The following XPO4 variants were observed in gnomAD, a reference collection of about 807,000 sequenced individuals.
The protein encoded by XPO4 is exportin 4.
Under a neutral mutation model 143.0 loss-of-function variants are expected in XPO4, and 39 were observed. That is an observed-to-expected ratio of 0.27 (90% confidence interval 0.21 to 0.36). The LOEUF is 0.36. XPO4 is among the 10% of genes least tolerant of loss of function. XPO4 has a pLI of 1.00. For missense variants in XPO4, 907 were observed against 1,348.0 expected (o/e 0.67, Z 5.12); for synonymous variants, 439 against 474.0 (o/e 0.93, Z 0.96).
intron 4 of XPO4, chr13:20,851,658 C>G (rs1445615199): frequency 3.0e-5 from 21 of 704,274 alleles, no homozygotes; most frequent in Admixed American, 7.1e-5. Flanking sequence ...TGCAGTAGGC[C>G]AAGACTACAC....
chr13:20,865,553 CT>C (rs2060237937), intron 2 of XPO4: 1 of 974,690 alleles, frequency 1.0e-6, no homozygotes, highest in Non-Finnish European at 1.2e-6. Flanking sequence ...ACCACAGTAA[CT>C]TTCTTTAATA....
intron 1 of XPO4, among the ~76,000 whole-genome samples, chr13:20,900,668 A>G (rs979815824): frequency 2.7e-5 from 4 of 150,876 alleles, no homozygotes; most frequent in East Asian, 2.0e-4. Context: ...ACTGGAGTGC[A>G]GCAGCACGAT....
intron 13 of XPO4, 46 bp downstream of exon 13, chr13:20,807,411 A>G (rs754673437): frequency 5.8e-6 from 9 of 1,546,414 alleles, no homozygotes; most frequent in East Asian, 2.3e-5. Flanking sequence ...AGAATTTATA[A>G]AACAGTATAA....
intron 1 of XPO4, among the ~76,000 whole-genome samples, chr13:20,875,291 T>G (rs572686227): frequency 5.6e-4 from 85 of 152,324 alleles, no homozygotes; most frequent in African/African-American, 1.9e-3. Flanking sequence ...TAAATTAAAT[T>G]TGCCATAACA....
intron 3 of XPO4, among the ~76,000 whole-genome samples, chr13:20,861,886 T>G (rs1205150594): frequency 6.8e-6 from 1 of 147,066 alleles, no homozygotes; most frequent in Non-Finnish European, 1.5e-5. Context: ...CCTCCCAGGT[T>G]AAAGCAATTC....
intron 2 of XPO4, among the ~76,000 whole-genome samples, chr13:20,864,692 T>C (rs552211026): frequency 6.6e-6 from 1 of 152,290 alleles, no homozygotes; most frequent in East Asian, 1.9e-4. Context: ...CATCCAAGCC[T>C]TTTTCTGCCC....
intron 6 of XPO4, among the ~76,000 whole-genome samples, chr13:20,830,012 G>T (rs1775909094): frequency 6.6e-6 from 1 of 151,948 alleles, no homozygotes; most frequent in Admixed American, 6.6e-5. Flanking sequence ...ATTTAAAAAG[G>T]GTTTTTCCCA....
intron 6 of XPO4, among the ~76,000 whole-genome samples, chr13:20,836,574 C>T (rs2059919195): frequency 6.6e-6 from 1 of 152,182 alleles, no homozygotes; most frequent in South Asian, 2.1e-4. Flanking sequence ...TTATCTCCAC[C>T]CCTAATCTCC....
chr13:20,842,949 G>A lies in XPO4; in HGVS notation c.673C>T (p.Arg225Cys), dbSNP rs542190317. ...LNAQMSSVFQRYLALANQVLS... is the reference protein window; with the variant it reads ...LNAQMSSVFQCYLALANQVLS... ...ACTTGATTGGCGAGTGCAAGGTAAC[G>A]CTGAAATACTGAAGACATCTGAGCA... The change falls in exon 6 of 23, where the codon CGT becomes TGT. Residue 225 changes from arginine to cysteine, a missense_variant. Coordinates refer to ENST00000255305, the MANE Select transcript of XPO4 (RefSeq NM_022459.5). The A allele has an allele frequency of 8.7e-6, 14 of 1,613,406 alleles. No homozygotes were observed. The highest frequency in any genetic ancestry group is 3.3e-5 in the Admixed American group (2 of 60,006).
intron 4 of XPO4, chr13:20,852,084 G>A (rs986017900): frequency 7.1e-6 from 7 of 985,296 alleles, no homozygotes; most frequent in Non-Finnish European, 8.4e-6. Context: ...CAAGCTACTT[G>A]TAGGGGGTGA....
chr13:20,869,168 C>T (rs191807760), intron 1 of XPO4, among the ~76,000 whole-genome samples: 57 of 152,226 alleles, frequency 3.7e-4, no homozygotes, highest in Middle Eastern at 6.8e-3. Context: ...TATTATTTCA[C>T]CTCAAGTTTT....
chr13:20,846,871 A>G (rs554708268), intron 4 of XPO4, among the ~76,000 whole-genome samples: 60 of 152,316 alleles, frequency 3.9e-4, no homozygotes, highest in African/African-American at 1.2e-3. Flanking sequence ...ATTTAAAAAC[A>G]AATGTGTTCT....
At position 20,781,551 on chromosome 13, in the gene XPO4, A is replaced by G. The variant is rs953880915; in HGVS notation, c.*2171T>C. Reference sequence around the variant, plus strand: ...CAGGAATATGGAGGTGAAATTTTCTATTTTTAGTATTGTAATAGGATCTGG... The same window carrying G: ...CAGGAATATGGAGGTGAAATTTTCTGTTTTTAGTATTGTAATAGGATCTGG... On this transcript the variant is annotated 3_prime_UTR_variant, in exon 23 of 23. Coordinates refer to ENST00000255305, the MANE Select transcript of XPO4 (RefSeq NM_022459.5). The G allele has an allele frequency of 6.6e-6, 1 of 152,644 alleles. No individual in the cohort carries two copies. The highest frequency in any genetic ancestry group is 2.4e-5 in the African/African-American group (1 of 41,452). 9.5% of individuals were successfully genotyped at this position (152,644 alleles called of 1,614,324 possible).
At chr13:20,855,297 A>G (rs1254986140) in intron 4 of XPO4, among the ~76,000 whole-genome samples, 4 of 151,974 alleles carry the variant, frequency 2.6e-5, no homozygotes, top group Non-Finnish European at 5.9e-5. Context: ...CTCTACTAAA[A>G]ATACAAAATT....
rs2141454882 is a variant in XPO4, at chr13:20,779,647, T to C, written c.*4075A>G. On this transcript the variant is annotated 3_prime_UTR_variant, in exon 23 of 23. Transcript: ENST00000255305. Reference sequence around the variant, plus strand: ...GAATCGCCACGGCCGACTTCAGCATTCTCGTCTTTACTAAGACTTACCCAT... The same window carrying C: ...GAATCGCCACGGCCGACTTCAGCATCCTCGTCTTTACTAAGACTTACCCAT... The C allele has an allele frequency of 6.5e-6, 1 of 152,736 alleles. No homozygotes were observed. The highest frequency in any genetic ancestry group is 2.1e-4 in the South Asian group (1 of 4,826). 9.5% of individuals were successfully genotyped at this position (152,736 alleles called of 1,614,324 possible).
At chr13:20,862,088 T>G (rs1023392847) in intron 3 of XPO4, among the ~76,000 whole-genome samples, 6 of 152,080 alleles carry the variant, frequency 3.9e-5, no homozygotes, top group Non-Finnish European at 7.4e-5. Context: ...CACCCAGCCC[T>G]CTATGCACAT....
chr13:20,789,728 C>A (rs1386002378), intron 19 of XPO4, among the ~76,000 whole-genome samples: 1 of 151,910 alleles, frequency 6.6e-6, no homozygotes, highest in Non-Finnish European at 1.5e-5. Flanking sequence ...TATCTTACTT[C>A]CTCCTACTCC....
At position 20,809,840 on chromosome 13, in the gene XPO4, T is replaced by C. The variant is rs781659594; in HGVS notation, c.1301A>G (p.Asn434Ser). ...FFTQHAVQVF[N>S]SYIQCHLAAP... ...AGCTAGGTGGCACTGAATATAGGAA[T>C]TGAAAACTTGAACTGCATGTTGGGT... Residue 434 changes from asparagine (N) to serine (S), a missense_variant, in exon 10 of 23, where the codon AAT (asparagine) becomes AGT (serine). By Grantham distance (46) the Asn-to-Ser change is conservative. Coordinates refer to ENST00000255305, the MANE Select transcript of XPO4 (RefSeq NM_022459.5). 9.9e-6 allele frequency: 16 copies of C among 1,613,740 alleles called. 1 individual carries two copies. Among genetic ancestry groups the C allele is most frequent in the South Asian group, 2.2e-5 (2 of 91,030 alleles).
intron 3 of XPO4, among the ~76,000 whole-genome samples, chr13:20,861,297 CTTTT>C (rs68037393): frequency 2.5e-4 from 34 of 134,964 alleles, no homozygotes; most frequent in Admixed American, 1.1e-3. Context: ...TAGTTTTCCT[CTTTT>C]TTTTTTTTTT....
Sources: allele counts gnomAD v4.1 joint callset (sites outside exome capture counted in the v4.1 genomes callset), GRCh38; gene constraint gnomAD v4.1.1; transcripts MANE v1.5; gene names NCBI Gene and HGNC (gene_info 2026-07-23, HGNC 2026-07-21).